CFAP44: variants seen among roughly 807,000 people sequenced by gnomAD.
CFAP44 encodes the protein cilia and flagella associated protein 44, also known as cilia- and flagella-associated protein 44.
A neutral mutation model predicts 216.2 loss-of-function variants in CFAP44; 134 were observed. The observed-to-expected ratio is 0.62, with a 90% CI of 0.54 to 0.72. The LOEUF (loss-of-function observed/expected upper bound fraction) is 0.72, where lower values mean the gene tolerates loss of function less well. Ranked by LOEUF, CFAP44 falls within the 30% of genes least tolerant of loss-of-function variation. The pLI, the probability that CFAP44 is intolerant of heterozygous loss-of-function variation, is 0.00. For missense variants in CFAP44, 2,035 were observed against 2,182.1 expected (o/e 0.93, Z 1.34); for synonymous variants, 700 against 727.6 (o/e 0.96, Z 0.61).
chr3:113,348,405 G>A (rs1022796927), intron 22 of CFAP44, among the ~76,000 whole-genome samples: 3 of 152,150 alleles, frequency 2.0e-5, no homozygotes, highest in Non-Finnish European at 2.9e-5. Context: ...ATGGCCACCT[G>A]AGGGAAGTAT....
intron 1 of CFAP44, among the ~76,000 whole-genome samples, chr3:113,436,832 T>C (rs1935250962): frequency 6.6e-6 from 1 of 152,238 alleles, no homozygotes; most frequent in South Asian, 2.1e-4. Context: ...AGGTACTGTT[T>C]AGTTTTCCAT....
At chr3:113,315,288 T>C (rs1017675909) in intron 28 of CFAP44, among the ~76,000 whole-genome samples, 23 of 152,126 alleles carry the variant, frequency 1.5e-4, no homozygotes, top group Non-Finnish European at 2.5e-4. Flanking sequence ...GCTATATTAA[T>C]GTCAGACAAA....
At chr3:113,292,692 C>A (rs1949842296) in intron 34 of CFAP44, among the ~76,000 whole-genome samples, 1 of 152,162 alleles carries the variant, frequency 6.6e-6, no homozygotes, top group Non-Finnish European at 1.5e-5. Context: ...AAACAGGTTG[C>A]CTGATGCTAA....
chr3:113,339,466 G>A (rs1020492142), intron 24 of CFAP44, among the ~76,000 whole-genome samples: 5 of 152,156 alleles, frequency 3.3e-5, no homozygotes, highest in African/African-American at 1.2e-4. Context: ...ATGAAGTAGG[G>A]GAAACCTGGA....
intron 28 of CFAP44, among the ~76,000 whole-genome samples, chr3:113,312,238 A>ATTTTTTTTTTTTTT (rs769734983): frequency 3.1e-5 from 4 of 130,704 alleles, no homozygotes; most frequent in Admixed American, 7.5e-5. Context: ...TGCCTGGCTA[A>ATTTTTTTTTTTTTT]TTTTTTTTTT....
At chr3:113,346,872 G>A (rs1950389618) in intron 22 of CFAP44, among the ~76,000 whole-genome samples, 1 of 152,072 alleles carries the variant, frequency 6.6e-6, no homozygotes, top group Non-Finnish European at 1.5e-5. Context: ...TTGTTTTTTT[G>A]CTCTTCACAA....
At chr3:113,419,710 C>T (rs958350502) in intron 5 of CFAP44, among the ~76,000 whole-genome samples, 1 of 152,230 alleles carries the variant, frequency 6.6e-6, no homozygotes, top group African/African-American at 2.4e-5. Context: ...CCTCACTCAT[C>T]TCCACTTCTA....
intron 2 of CFAP44, among the ~76,000 whole-genome samples, chr3:113,432,649 T>C (rs1935135519): frequency 6.6e-6 from 1 of 152,234 alleles, no homozygotes; most frequent in African/African-American, 2.4e-5. Context: ...CTCTCCGCCC[T>C]TGCAATATAA....
chr3:113,294,057 C>T, intron 34 of CFAP44: 1 of 456,528 alleles, frequency 2.2e-6, no homozygotes, highest in South Asian at 1.5e-5. Flanking sequence ...AAATATAAAG[C>T]AAAGAAGACC....
chr3:113,397,991 A>C (rs1162242471), intron 13 of CFAP44, among the ~76,000 whole-genome samples: 2 of 152,170 alleles, frequency 1.3e-5, no homozygotes, highest in Non-Finnish European at 2.9e-5. Flanking sequence ...GAATGTACCA[A>C]ATCTACTGTC....
intron 11 of CFAP44, among the ~76,000 whole-genome samples, 195 bp from the exon 12 acceptor site, chr3:113,400,839 T>C (rs1194183934): frequency 6.6e-6 from 1 of 152,074 alleles, no homozygotes; most frequent in Non-Finnish European, 1.5e-5. Context: ...GCTTTGTCCT[T>C]AATGGCTGTG....
chr3:113,373,651 A>T, intron 17 of CFAP44, 95 bp from the exon 18 acceptor site: 1 of 1,100,756 alleles, frequency 9.1e-7, no homozygotes, highest in Non-Finnish European at 1.2e-6. Context: ...TGAAAACATA[A>T]AATAGATGTT....
chr3:113,346,681 C>T (rs1261168357), intron 22 of CFAP44, among the ~76,000 whole-genome samples: 1 of 152,210 alleles, frequency 6.6e-6, no homozygotes, highest in African/African-American at 2.4e-5. Context: ...CCAATCAGCA[C>T]TCTGTGTCTA....
At chr3:113,353,867 A>C (rs1034199138) in intron 22 of CFAP44, among the ~76,000 whole-genome samples, 1 of 152,156 alleles carries the variant, frequency 6.6e-6, no homozygotes, top group Admixed American at 6.5e-5. Context: ...CATAAGAAGG[A>C]GTCTATCTGA....
intron 14 of CFAP44, 31 bp from the exon 15 acceptor site, chr3:113,395,891 T>C (rs369765794): frequency 5.7e-5 from 86 of 1,517,214 alleles, no homozygotes; most frequent in Non-Finnish European, 7.3e-5. Context: ...CGACGAAATA[T>C]ATATTACTAT....
At chr3:113,394,591 G>A (rs1355984681) in intron 15 of CFAP44, among the ~76,000 whole-genome samples, 1 of 152,014 alleles carries the variant, frequency 6.6e-6, no homozygotes, top group Non-Finnish European at 1.5e-5. Context: ...ATAGTTCCCT[G>A]CTCTAAATTC....
chr3:113,399,097 G>C (rs532340522), intron 13 of CFAP44, among the ~76,000 whole-genome samples: 20 of 152,294 alleles, frequency 1.3e-4, no homozygotes, highest in African/African-American at 4.6e-4. Flanking sequence ...AAGCCACATG[G>C]AGAGGGTGTT....
chr3:113,407,197 C>G (rs2107369095), intron 7 of CFAP44, among the ~76,000 whole-genome samples, 156 bp from the exon 8 acceptor site: 1 of 152,168 alleles, frequency 6.6e-6, no homozygotes, highest in South Asian at 2.1e-4. Flanking sequence ...TACTACCTGC[C>G]CGGCAAGGTT....
At chr3:113,411,261 G>C (rs940653459) in intron 6 of CFAP44, among the ~76,000 whole-genome samples, 2 of 152,140 alleles carry the variant, frequency 1.3e-5, no homozygotes, top group Non-Finnish European at 2.9e-5. Context: ...TTCTCTTCTA[G>C]GGTTTTTATG....
Sources: gnomAD v4.1 joint callset for allele counts (sites outside exome capture counted in the v4.1 genomes callset) on GRCh38, gnomAD v4.1.1 for gene constraint, MANE v1.5 for transcripts, NCBI Gene and HGNC (gene_info 2026-07-23, HGNC 2026-07-21) for gene names.